The following GRIN3A variants were observed in gnomAD, a reference collection of about 807,000 sequenced individuals.
The protein encoded by GRIN3A is glutamate ionotropic receptor NMDA type subunit 3A.
In GRIN3A, 47 loss-of-function variants were observed where a neutral mutation model predicts 92.4. That is an observed-to-expected ratio of 0.51 (90% confidence interval 0.40 to 0.65). The LOEUF is 0.65. Among genes scored for constraint, GRIN3A ranks in the 30% least tolerant of loss-of-function variants. The pLI is 0.00. For synonymous variants in GRIN3A, 527 were observed against 540.6 expected, an observed-to-expected ratio of 0.97 and a Z score of 0.35; for missense variants, 1,324 against 1,393.1, an observed-to-expected ratio of 0.95 and a Z score of 0.79.
At chr9:101,662,342 T>G (rs1472198967) in intron 3 of GRIN3A, among the ~76,000 whole-genome samples, 1 of 151,804 alleles carries the variant, frequency 6.6e-6, no homozygotes, top group Admixed American at 6.6e-5. Context: ...TATGAAGAGA[T>G]TTTAACTATT....
At chr9:101,687,407 T>C (rs1829553204) in intron 1 of GRIN3A, among the ~76,000 whole-genome samples, 1 of 152,200 alleles carries the variant, frequency 6.6e-6, no homozygotes, top group East Asian at 1.9e-4. Context: ...TAATTTTTGC[T>C]AAGAGTACCA....
rs1828239797 is a variant in GRIN3A at position 101,603,781 on chromosome 9, T to C, written c.2766+9595A>G. Among the ~76,000 whole-genome samples, 5 of 152,234 alleles carry C rather than the reference T, an allele frequency of 3.3e-5. No homozygotes were observed. The South Asian group carries it at 8.3e-4, about 25-fold the overall frequency. On this transcript the variant is annotated intron_variant, in intron 6 of 8. Transcript: ENST00000361820. ...ATACAATTCTGTCAATCCAGTATGA[T>C]TGGGTGCAGTGTCTTCGAAGGGCAA...
chr9:101,629,309 GAAGA>G (rs1261215684), intron 3 of GRIN3A, among the ~76,000 whole-genome samples: 3 of 151,970 alleles, frequency 2.0e-5, no homozygotes, highest in Non-Finnish European at 2.9e-5. Context: ...ACACACCTTG[GAAGA>G]AAACACATTG....
At chr9:101,577,051 G>A (rs576260418) in intron 8 of GRIN3A, among the ~76,000 whole-genome samples, 1 of 152,088 alleles carries the variant, frequency 6.6e-6, no homozygotes, top group East Asian at 1.9e-4. Context: ...CATGAAATAG[G>A]GAACAGTCAT....
Position 101,687,466 on chromosome 9 carries a change from A to C in GRIN3A, c.700-266T>G, listed in dbSNP as rs145776206. On this transcript the variant is annotated intron_variant, in intron 1 of 8. Coordinates refer to ENST00000361820, the MANE Select transcript of GRIN3A (RefSeq NM_133445.3). ...AATATCAGAAGTAACACAATCATAC[A>C]TTTGGTTGAGGAGTTTTGTCAAGCT... is the stretch of plus-strand genomic sequence containing the variant. Among the ~76,000 whole-genome samples, 31 of 152,258 alleles carry C rather than the reference A, an allele frequency of 2.0e-4. No homozygotes were observed. The East Asian group carries it at 5.6e-3, about 28-fold the overall frequency.
intron 6 of GRIN3A, among the ~76,000 whole-genome samples, chr9:101,584,967 G>C (rs1827932053): frequency 6.6e-6 from 1 of 152,124 alleles, no homozygotes; most frequent in Non-Finnish European, 1.5e-5. Context: ...CCTTCCTTGT[G>C]CCCATTCCAC....
chr9:101,737,246 G>A (rs1830219799), intron 1 of GRIN3A, 35 bp downstream of exon 1: 2 of 1,572,888 alleles, frequency 1.3e-6, no homozygotes, highest in African/African-American at 1.3e-5. Context: ...CCCCAGCAGC[G>A]CCCATCTCCA....
At chr9:101,623,586 A>T (rs1275247031) in intron 4 of GRIN3A, among the ~76,000 whole-genome samples, 153 bp from the exon 5 acceptor site, 1 of 152,184 alleles carries the variant, frequency 6.6e-6, no homozygotes, top group African/African-American at 2.4e-5. Context: ...TTGGCTTCTC[A>T]CTGATGTCTA....
intron 1 of GRIN3A, among the ~76,000 whole-genome samples, chr9:101,724,320 T>A (rs1024450575): frequency 2.0e-5 from 3 of 152,058 alleles, no homozygotes; most frequent in African/African-American, 4.8e-5. Flanking sequence ...CTGGCACTGC[T>A]GGGGGACCCA....
rs555416821 is a variant in GRIN3A, at chr9:101,734,263, G to T, written c.699+3018C>A. 2.6e-5 allele frequency among the ~76,000 whole-genome samples: 4 copies of T among 152,264 alleles called. No individual in the cohort carries two copies. In the East Asian group the frequency reaches 5.8e-4, roughly 22 times the overall value. ...TTAATTTAGGTGTAAATGGAATTAG[G>T]TTCATATTCAGCATCATTATTTGAA... On this transcript the variant is annotated intron_variant, in intron 1 of 8. Coordinates refer to ENST00000361820, the MANE Select transcript of GRIN3A (RefSeq NM_133445.3).
chr9:101,687,952 A>C (rs1829560377), intron 1 of GRIN3A, among the ~76,000 whole-genome samples: 1 of 152,232 alleles, frequency 6.6e-6, no homozygotes, highest in Non-Finnish European at 1.5e-5. Flanking sequence ...GTCACAAATT[A>C]GCAGTCATAT....
At chr9:101,640,937 G>T (rs2118900128) in intron 3 of GRIN3A, among the ~76,000 whole-genome samples, 1 of 152,164 alleles carries the variant, frequency 6.6e-6, no homozygotes, top group Admixed American at 6.5e-5. Flanking sequence ...TATGAAAACA[G>T]GCTAATACAC....
chr9:101,629,292 C>A (rs1324427280), intron 3 of GRIN3A, among the ~76,000 whole-genome samples: 1 of 152,110 alleles, frequency 6.6e-6, no homozygotes, highest in African/African-American at 2.4e-5. Flanking sequence ...CACATACGCA[C>A]ATGCACACAC....
rs1830233437 is a variant in GRIN3A, at chr9:101,737,710, C to G, written c.270G>C (p.Ala90=). The change falls in exon 1 of 9, where the codon GCG becomes GCC. Residue 90 remains alanine, a synonymous_variant. Transcript: ENST00000361820. ...CCAACCAGCGTGCGCCCGGCGAGGG[C>G]GCCGGGGACCGCCTAGTCCCTGGCT... ...EPEPGTRRSP[A]PSPGARWLGS... The G allele has an allele frequency of 2.0e-6, 3 of 1,529,850 alleles. No individual in the cohort carries two copies. In the South Asian group the frequency reaches 3.6e-5, roughly 19 times the overall value. The allele number at this position is 1,529,850 out of a possible 1,614,324, so 94.8% of individuals were successfully genotyped here. A position where few individuals can be genotyped will look rare whatever the true frequency, so the allele number is the denominator to read the frequency against.
intron 3 of GRIN3A, among the ~76,000 whole-genome samples, chr9:101,656,809 T>C (rs555096204): frequency 6.6e-6 from 1 of 151,968 alleles, no homozygotes; most frequent in South Asian, 2.1e-4. Flanking sequence ...AAAAAGTCAG[T>C]GCTTGAAAAT....
chr9:101,579,540 G>T (rs1827864692), intron 6 of GRIN3A, among the ~76,000 whole-genome samples, 180 bp from the exon 7 acceptor site: 2 of 152,120 alleles, frequency 1.3e-5, no homozygotes, highest in South Asian at 2.1e-4. Flanking sequence ...TTCAGCCAGG[G>T]TTGGACTGAG....
chr9:101,589,357 C>A (rs1244080403), intron 6 of GRIN3A, among the ~76,000 whole-genome samples: 1 of 152,172 alleles, frequency 6.6e-6, no homozygotes, highest in Non-Finnish European at 1.5e-5. Context: ...TACAACTGTT[C>A]TGATGACTTG....
At chr9:101,621,071 G>A (rs1219077684) in intron 5 of GRIN3A, among the ~76,000 whole-genome samples, 1 of 151,982 alleles carries the variant, frequency 6.6e-6, no homozygotes, top group East Asian at 1.9e-4. Flanking sequence ...GATCACTTGA[G>A]GCCAGGAGTT....
intron 4 of GRIN3A, among the ~76,000 whole-genome samples, chr9:101,625,024 C>T (rs923198364): frequency 6.6e-6 from 1 of 152,084 alleles, no homozygotes. Flanking sequence ...GGAATGGATT[C>T]TGTGAAGACC....
Sources: gnomAD v4.1 joint callset for allele counts (sites outside exome capture counted in the v4.1 genomes callset) on GRCh38, gnomAD v4.1.1 for gene constraint, MANE v1.5 for transcripts, NCBI Gene and HGNC (gene_info 2026-07-23, HGNC 2026-07-21) for gene names.